Variants in DST observed in about 807,000 individuals in gnomAD.
The protein encoded by DST is dystonin.
In DST, 253 loss-of-function variants were observed where a neutral mutation model predicts 875.2. The ratio of observed to expected loss-of-function variants is 0.29; its 90% CI spans 0.26 to 0.32. The LOEUF (loss-of-function observed/expected upper bound fraction) is 0.32. Among genes scored for constraint, DST ranks in the 10% least tolerant of loss-of-function variants. The probability of loss-of-function intolerance (pLI) is 1.00; values close to 1 mark genes in which losing one functional copy is unlikely to be tolerated. For missense variants in DST, 8,287 were observed against 9,111.6 expected (o/e 0.91, Z 3.68); for synonymous variants, 3,124 against 3,197.1 (o/e 0.98, Z 0.77).
At chr6:56,924,637 A>G (rs1349961358) in intron 2 of DST, among the ~76,000 whole-genome samples, 2 of 152,034 alleles carry the variant, frequency 1.3e-5, no homozygotes, top group African/African-American at 4.8e-5. Context: ...GGTGAAGGAA[A>G]TTTTACCAAG....
intron 93 of DST, among the ~76,000 whole-genome samples, chr6:56,472,791 C>T (rs2094960680): frequency 1.3e-5 from 2 of 152,174 alleles, no homozygotes; most frequent in African/African-American, 4.8e-5. Context: ...GTTTCCTGTG[C>T]ATAGTCTCAA....
Position 56,471,163 on chromosome 6 carries a change from T to C in DST, c.22264A>G (p.Lys7422Glu). ...CGCGTTATTTTCCCATCCTGGTCTT[T>C]ATCAATTCTCCTGAAGAAGTCCATC... ...RVMDFFRRID[K>E]DQDGKITRQE... Residue 7422 changes from lysine to glutamate, a missense_variant, in exon 95 of 104, where the codon AAA becomes GAA. Around this residue, in one of 10 missense-constraint regions of DST, gnomAD observed 87 missense variants for 209.7 expected, o/e 0.41. Coordinates refer to ENST00000680361, the MANE Select transcript of DST (RefSeq NM_001374736.1). 1 of 1,610,374 alleles carries C rather than the reference T, an allele frequency of 6.2e-7. No individual in the cohort carries two copies. The highest frequency in any genetic ancestry group is 8.5e-7 in the Non-Finnish European group (1 of 1,178,170).
At position 56,460,148 on chromosome 6, in the gene DST, A is replaced by G. The variant is rs1581910371; in HGVS notation, c.23177T>C (p.Val7726Ala). 1.9e-6 allele frequency: 3 copies of G among 1,612,848 alleles called. No homozygotes were observed. Among genetic ancestry groups the G allele is most frequent in the Non-Finnish European group, 2.5e-6 (3 of 1,179,244 alleles). ...ACACTCACCAGCAAACTGTGTTCGG[A>G]CTCTGGCAGCTGCAGTTGTTATCAA... ...SGLITTAAARVRTQFADSKKT... is the reference protein window; with the variant it reads ...SGLITTAAARARTQFADSKKT... Residue 7726 changes from valine (V) to alanine (A), a missense_variant, in exon 103 of 104, where the codon GTC (valine) becomes GCC (alanine). Physicochemically the swap from Val to Ala is moderately conservative, Grantham distance 64. This residue lies in a region of DST where 240 missense variants were observed against 237.3 expected (regional missense o/e 1.01). Coordinates refer to ENST00000680361, the MANE Select transcript of DST (RefSeq NM_001374736.1).
At chr6:56,943,623 G>T (rs543423562) in intron 2 of DST, among the ~76,000 whole-genome samples, 1 of 151,474 alleles carries the variant, frequency 6.6e-6, no homozygotes, top group Non-Finnish European at 1.5e-5. Context: ...AGTAGAGAAG[G>T]GGTTTCTCTA....
intron 45 of DST, among the ~76,000 whole-genome samples, chr6:56,599,423 A>G (rs1281114203): frequency 6.6e-6 from 1 of 152,090 alleles, no homozygotes; most frequent in African/African-American, 2.4e-5. Context: ...AGCCATGACT[A>G]TGTGACCTTA....
intron 4 of DST, among the ~76,000 whole-genome samples, chr6:56,823,132 T>C (rs2099775077): frequency 6.6e-6 from 1 of 151,982 alleles, no homozygotes; most frequent in Non-Finnish European, 1.5e-5. Context: ...ACACTATCTC[T>C]AAAGTAAACA....
At chr6:56,863,629 G>GT (rs1772454309) in intron 3 of DST, among the ~76,000 whole-genome samples, 1 of 152,124 alleles carries the variant, frequency 6.6e-6, no homozygotes, top group Admixed American at 6.5e-5. Context: ...TTGCTTGGGT[G>GT]TTTTTTCTCC....
intron 100 of DST, 104 bp from the exon 101 acceptor site, chr6:56,463,868 G>A (rs556883444): frequency 1.2e-5 from 14 of 1,202,998 alleles, no homozygotes; most frequent in Non-Finnish European, 1.7e-5. Flanking sequence ...AGATCACGTT[G>A]AGAATTTCAA....
rs199766526 is a variant in DST, at chr6:56,503,941, G to GA, written c.19566+55dup. The stretch of plus-strand genomic sequence containing the variant: ...AATAAATTTATGTACAAAATTATGT[G>GA]AATCAAGGACTTAAAACTGCAAGGG... On this transcript the variant is annotated intron_variant, in intron 78 of 103. Transcript: ENST00000680361. The GA allele has an allele frequency of 0.037, 43,307 of 1,186,396 alleles. 1,053 individuals carry two copies. Among genetic ancestry groups the GA allele is most frequent in the Non-Finnish European group, 0.045 (37,528 of 833,874 alleles). The allele number at this position is 1,186,396 out of a possible 1,614,324, so 73.5% of individuals were successfully genotyped here. A position where few individuals can be genotyped will look rare whatever the true frequency, so the allele number is the denominator to read the frequency against.
rs191304741 is a variant in DST at position 56,954,296 on chromosome 6, C to T, written c.181+111G>A. On this transcript the variant is annotated intron_variant, in intron 1 of 103. Coordinates refer to ENST00000680361, the MANE Select transcript of DST (RefSeq NM_001374736.1). ...AAACGCACTCAGCCTGGGGAGTGGG[C>T]AATGATGGGGCTAGGGGCAGCCGAG... is the stretch of plus-strand genomic sequence containing the variant. 1.2e-3 allele frequency: 903 copies of T among 754,006 alleles called. 9 individuals are homozygous for T. In the African/African-American group the frequency reaches 0.016, roughly 13 times the overall value. The allele number at this position is 754,006 out of a possible 1,614,324, so 46.7% of individuals were successfully genotyped here. A position where few individuals can be genotyped will look rare whatever the true frequency, so the allele number is the denominator to read the frequency against.
At chr6:56,871,145 T>TG in intron 3 of DST, 1 of 649,498 alleles carries the variant, frequency 1.5e-6, no homozygotes, top group Non-Finnish European at 2.8e-6. Flanking sequence ...AAAAAATGTG[T>TG]GGGGCTCTTC....
Position 56,552,785 on chromosome 6 carries a change from G to A in DST, c.16007C>T (p.Ala5336Val). ...TGAGGCCTCTACCACAAGGTCCTGT[G>A]CAAGTCTTTTAGCCAAATCTACCTG... The part of the protein sequence containing the change: ...KHQVDLAKRL[A>V]QDLVVEASDS... Residue 5336 changes from alanine to valine, a missense_variant, in exon 61 of 104, where the codon GCA becomes GTA. This residue lies in a region of DST where 1,513 missense variants were observed against 1,677.8 expected (regional missense o/e 0.90). Coordinates refer to ENST00000680361, the MANE Select transcript of DST (RefSeq NM_001374736.1). The A allele has an allele frequency of 6.2e-7, 1 of 1,610,650 alleles. No individual in the cohort carries two copies. The highest frequency in any genetic ancestry group is 8.5e-7 in the Non-Finnish European group (1 of 1,179,876).
intron 43 of DST, chr6:56,602,149 T>C (rs2098451654): frequency 4.7e-6 from 1 of 210,786 alleles, no homozygotes; most frequent in South Asian, 6.8e-5. Flanking sequence ...GCCTAATCAT[T>C]GTTCATGAGG....
chr6:56,751,841 A>G (rs2099588051), intron 4 of DST, among the ~76,000 whole-genome samples: 2 of 152,214 alleles, frequency 1.3e-5, no homozygotes, highest in African/African-American at 4.8e-5. Context: ...CCAAAATAAA[A>G]GAGAAGAGAG....
chr6:56,749,583 T>A (rs2099581719), intron 4 of DST, among the ~76,000 whole-genome samples: 2 of 152,200 alleles, frequency 1.3e-5, no homozygotes. Context: ...TGATCTAGAA[T>A]TCTTAGTAAC....
At chr6:56,640,666 C>T in intron 17 of DST, 61 bp from the exon 18 acceptor site, 1 of 1,280,436 alleles carries the variant, frequency 7.8e-7, no homozygotes, top group Non-Finnish European at 1.1e-6. Context: ...AAAGAGTGAA[C>T]TCTAATGTTA....
chr6:56,463,787 T>C, intron 100 of DST, 23 bp from the exon 101 acceptor site: 1 of 1,612,736 alleles, frequency 6.2e-7, no homozygotes, highest in Non-Finnish European at 8.5e-7. Flanking sequence ...CACACAACAA[T>C]GCACACAAAG....
intron 4 of DST, among the ~76,000 whole-genome samples, chr6:56,839,056 CT>C (rs2099796912): frequency 6.6e-6 from 1 of 152,134 alleles, no homozygotes; most frequent in Non-Finnish European, 1.5e-5. Context: ...GTTCAGGGCA[CT>C]AAATGAAGCC....
intron 4 of DST, among the ~76,000 whole-genome samples, chr6:56,825,656 T>C (rs1172479461): frequency 6.6e-6 from 1 of 152,220 alleles, no homozygotes; most frequent in African/African-American, 2.4e-5. Context: ...GTATCAGGTA[T>C]TTCCTGACAA....
Sources: allele counts gnomAD v4.1 joint callset (sites outside exome capture counted in the v4.1 genomes callset), GRCh38; gene constraint gnomAD v4.1.1; regional missense constraint gnomAD v4.1.1; transcripts MANE v1.5; gene names NCBI Gene and HGNC (gene_info 2026-07-23, HGNC 2026-07-21).